The following TENM2 variants were observed in gnomAD, a reference collection of about 807,000 sequenced individuals.
TENM2 encodes the protein teneurin transmembrane protein 2, also known as teneurin-2.
In TENM2, 52 loss-of-function variants were observed where a neutral mutation model predicts 245.2. The ratio of observed to expected loss-of-function variants is 0.21; its 90% CI spans 0.17 to 0.27. The LOEUF is 0.27. Ranked by LOEUF, TENM2 falls within the 10% of genes least tolerant of loss-of-function variation. The pLI, the probability that TENM2 is intolerant of heterozygous loss-of-function variation, is 1.00. For synonymous variants in TENM2, 1,363 were observed against 1,438.9 expected, an observed-to-expected ratio of 0.95 and a Z score of 1.19; for missense variants, 3,046 against 3,666.8, an observed-to-expected ratio of 0.83 and a Z score of 4.37.
At position 167,357,088 on chromosome 5, in the gene TENM2, G is replaced by A. The variant is rs1029006181; in HGVS notation, c.227-18110G>A. On this transcript the variant is annotated intron_variant, in intron 1 of 28. Coordinates refer to ENST00000518659, the Ensembl canonical transcript of TENM2. ...GTCGACATTTTTTTTAAATCTAAAT[G>A]TATGAATTCCAATATTTTGAGGAAA... Among the ~76,000 whole-genome samples the A allele has an allele frequency of 2.6e-5, 4 of 152,070 alleles. No homozygotes were observed. In the South Asian group the frequency reaches 6.2e-4, roughly 24 times the overall value.
chr5:167,310,700 A>G (rs982544375), intron 1 of TENM2, among the ~76,000 whole-genome samples: 6 of 152,370 alleles, frequency 3.9e-5, no homozygotes, highest in African/African-American at 1.4e-4. Context: ...AACAACTAAA[A>G]TAAGAAAGAA....
intron 12 of TENM2, among the ~76,000 whole-genome samples, chr5:168,144,550 T>C (rs1415232288): frequency 6.6e-6 from 1 of 151,786 alleles, no homozygotes; most frequent in African/African-American, 2.4e-5. Flanking sequence ...ATGGTGTATA[T>C]GTGCCACATT....
intron 5 of TENM2, among the ~76,000 whole-genome samples, chr5:168,030,632 T>C (rs1328131636): frequency 1.3e-5 from 2 of 152,110 alleles, no homozygotes; most frequent in Non-Finnish European, 2.9e-5. Flanking sequence ...GAGTGGTCTC[T>C]TCAGAATCAT....
At chr5:167,540,292 G>A (rs1248148083) in intron 2 of TENM2, among the ~76,000 whole-genome samples, 3 of 152,168 alleles carry the variant, frequency 2.0e-5, no homozygotes, top group Non-Finnish European at 4.4e-5. Context: ...CTGATTTGCA[G>A]ACACTTAGGG....
chr5:167,634,037 T>C lies in TENM2; in HGVS notation c.503-241949T>C, dbSNP rs1235024494. ...TGTGTGTGCTTCCTCTTTAAATTAG[T>C]TGTGGAAAACTTGGGCTTGGGAACA... On this transcript the variant is annotated intron_variant, in intron 2 of 28. Transcript: ENST00000518659. 2.6e-5 allele frequency among the ~76,000 whole-genome samples: 4 copies of C among 152,292 alleles called. No individual in the cohort carries two copies. The East Asian group carries it at 5.8e-4, about 22-fold the overall frequency.
chr5:167,337,421 T>C (rs1358115610), intron 1 of TENM2, among the ~76,000 whole-genome samples: 1 of 151,994 alleles, frequency 6.6e-6, no homozygotes, highest in Non-Finnish European at 1.5e-5. Flanking sequence ...TATAACACAA[T>C]AAGTAAGAGA....
chr5:167,948,136 G>A (rs1010084611), intron 3 of TENM2, among the ~76,000 whole-genome samples: 1 of 152,194 alleles, frequency 6.6e-6, no homozygotes, highest in Non-Finnish European at 1.5e-5. Context: ...GGCATTGATT[G>A]TTTCCCCATG....
chr5:167,770,531 G>C (rs1763334353), intron 2 of TENM2, among the ~76,000 whole-genome samples: 1 of 152,164 alleles, frequency 6.6e-6, no homozygotes, highest in Admixed American at 6.5e-5. Flanking sequence ...AGCAAAAGTG[G>C]TAAACTAACT....
the TENM2 span, among the ~76,000 whole-genome samples, chr5:167,260,831 G>C: frequency 6.6e-6 from 1 of 152,150 alleles, no homozygotes; most frequent in Admixed American, 6.5e-5. Context: ...TGGCTAAATT[G>C]TTTATTATAA....
chr5:167,928,465 G>A (rs964489703), intron 3 of TENM2, among the ~76,000 whole-genome samples: 9 of 152,304 alleles, frequency 5.9e-5, no homozygotes, highest in Middle Eastern at 6.8e-3. Context: ...TTGTTAGGCA[G>A]ATAGCTAGAG....
At chr5:168,254,706 G>T (rs1236120582) in intron 27 of TENM2, among the ~76,000 whole-genome samples, 1 of 152,096 alleles carries the variant, frequency 6.6e-6, no homozygotes, top group Non-Finnish European at 1.5e-5. Flanking sequence ...TAGGGAGAGA[G>T]AGATCCCTGG....
At chr5:167,033,488 A>T in the TENM2 span, among the ~76,000 whole-genome samples, 3 of 152,316 alleles carry the variant, frequency 2.0e-5, no homozygotes, top group African/African-American at 7.2e-5. Context: ...TAATTATGAC[A>T]AGCTGATTGT....
At chr5:167,667,034 T>A (rs1755623146) in intron 2 of TENM2, among the ~76,000 whole-genome samples, 1 of 152,194 alleles carries the variant, frequency 6.6e-6, no homozygotes, top group Non-Finnish European at 1.5e-5. Context: ...GTAAATAATG[T>A]AAGACACTCA....
chr5:167,534,501 A>G (rs1378676880), intron 2 of TENM2, among the ~76,000 whole-genome samples: 2 of 152,224 alleles, frequency 1.3e-5, no homozygotes, highest in African/African-American at 4.8e-5. Context: ...TTTTAGCATA[A>G]GTATGCACTG....
At chr5:168,256,387 G>A (rs1767662324) in intron 27 of TENM2, among the ~76,000 whole-genome samples, 2 of 150,862 alleles carry the variant, frequency 1.3e-5, no homozygotes, top group African/African-American at 4.9e-5. Context: ...CTCTCTGCTT[G>A]ATATTAACGT....
At chr5:167,414,419 T>C (rs1763062904) in intron 2 of TENM2, among the ~76,000 whole-genome samples, 1 of 152,126 alleles carries the variant, frequency 6.6e-6, no homozygotes, top group African/African-American at 2.4e-5. Flanking sequence ...TATTAGGAAA[T>C]GTTAATAGCT....
At chr5:166,981,925 C>T in the TENM2 span, among the ~76,000 whole-genome samples, 1 of 152,070 alleles carries the variant, frequency 6.6e-6, no homozygotes, top group Admixed American at 6.6e-5. Context: ...ATGACTCTTA[C>T]ATCGTTTGGT....
chr5:167,209,698 C>T, the TENM2 span, among the ~76,000 whole-genome samples: 1 of 151,976 alleles, frequency 6.6e-6, no homozygotes, highest in Non-Finnish European at 1.5e-5. Context: ...TTTTCCCCCA[C>T]ATCATTCCCC....
chr5:167,596,179 A>G (rs780080381), intron 2 of TENM2, among the ~76,000 whole-genome samples: 52 of 152,316 alleles, frequency 3.4e-4, no homozygotes, highest in Non-Finnish European at 6.9e-4. Context: ...AGTGCTAATT[A>G]GGTGTCAGAC....
Sources: gnomAD v4.1 joint callset for allele counts (sites outside exome capture counted in the v4.1 genomes callset) on GRCh38, gnomAD v4.1.1 for gene constraint, MANE v1.5 for transcripts, NCBI Gene and HGNC (gene_info 2026-07-23, HGNC 2026-07-21) for gene names.